The following NLRP13 variants were observed in gnomAD, a reference collection of about 807,000 sequenced individuals.
The protein encoded by NLRP13 is NLR family pyrin domain containing 13.
In NLRP13, 82 loss-of-function variants were observed where a neutral mutation model predicts 94.4. The observed-to-expected ratio is 0.87, with a 90% CI of 0.73 to 1.04. NLRP13 has a LOEUF of 1.04. NLRP13 is among the 50% of genes least tolerant of loss of function. NLRP13 has a pLI of 0.00. For missense variants in NLRP13, 1,426 were observed against 1,230.8 expected (o/e 1.16, Z -2.37); for synonymous variants, 553 against 464.7 (o/e 1.19, Z -2.45).
In NLRP13 at chr19:55,913,331, A is replaced by C. The variant is rs181609778; in HGVS notation, c.524-38T>G. On this transcript the variant is annotated intron_variant, in intron 4 of 10. Transcript: ENST00000342929. ...GAGTGGGGAGAAGAATGGTAAGAAT[A>C]AATTTCAGAGTTAGGAATGATTCAG... is the stretch of plus-strand genomic sequence containing the variant. 4.4e-6 allele frequency: 7 copies of C among 1,579,836 alleles called. No homozygotes were observed. The East Asian group carries it at 1.6e-4, about 35-fold the overall frequency.
At chr19:55,909,930 C>T (rs1307850617) in intron 6 of NLRP13, among the ~76,000 whole-genome samples, 2 of 152,174 alleles carry the variant, frequency 1.3e-5, no homozygotes, top group Non-Finnish European at 2.9e-5. Context: ...TTCAGTGAGG[C>T]CCTTCTGCCT....
In NLRP13 at chr19:55,913,153, T is replaced by A; in HGVS notation, c.664A>T (p.Asn222Tyr). The change falls in exon 5 of 11, where the codon AAT (asparagine) becomes TAT (tyrosine). Residue 222 changes from asparagine to tyrosine, a missense_variant. Transcript: ENST00000342929. Reference protein sequence around the residue: ...HEELQRLLDPNRTRAQAQTIV... With the variant: ...HEELQRLLDPYRTRAQAQTIV... ...GTCTGGGCCTGGGCTCTAGTCCTAT[T>A]AGGATCCAGTAGGCGCTGCAGTTCC... 1 of 1,614,106 alleles carries A rather than the reference T, an allele frequency of 6.2e-7. No homozygotes were observed. Among genetic ancestry groups the A allele is most frequent in the Non-Finnish European group, 8.5e-7 (1 of 1,180,014 alleles).
chr19:55,905,007 T>C lies in NLRP13; in HGVS notation c.2553A>G (p.Gln851=), dbSNP rs980384102. ...CACACAATAGCTTTATGCCATCATC[T>C]TGGAGCCGATTAAATCCCAGGCACA... is the stretch of plus-strand genomic sequence containing the variant. The part of the protein sequence containing the change: ...TRLCLGFNRL[Q]DDGIKLLCAA... Residue 851 remains glutamine, a synonymous_variant, in exon 8 of 11, where the codon CAA becomes CAG. Transcript: ENST00000342929. 7.4e-6 allele frequency: 12 copies of C among 1,613,834 alleles called. No homozygotes were observed. In the Middle Eastern group the frequency reaches 6.6e-4, roughly 88 times the overall value.
At position 55,912,794 on chromosome 19, in the gene NLRP13, C is replaced by T. The variant is rs1198187496; in HGVS notation, c.1023G>A (p.Val341=). ...PCTDWYQELP[V]TKILHSLLKK... Reference sequence around the variant, plus strand: ...TCAACAAGCTGTGTAGGATTTTGGTCACTGGGAGCTCCTGGTACCAGTCTG... The same window carrying T: ...TCAACAAGCTGTGTAGGATTTTGGTTACTGGGAGCTCCTGGTACCAGTCTG... The change falls in exon 5 of 11, where the codon GTG becomes GTA. Residue 341 remains valine, a synonymous_variant. Transcript: ENST00000342929. 3 of 1,613,950 alleles carry T rather than the reference C, an allele frequency of 1.9e-6. No individual in the cohort carries two copies. The Admixed American group carries it at 5.0e-5, about 27-fold the overall frequency.
rs750202863 is a variant in NLRP13 at position 55,912,475 on chromosome 19, T to A, written c.1342A>T (p.Ile448Phe). 30 of 1,614,192 alleles carry A rather than the reference T, an allele frequency of 1.9e-5. No individual in the cohort carries two copies. The South Asian group carries it at 3.1e-4, about 17-fold the overall frequency. Residue 448 changes from isoleucine (I) to phenylalanine (F), a missense_variant, in exon 5 of 11, where the codon ATC (isoleucine) becomes TTC (phenylalanine). Physicochemically the swap from Ile to Phe is conservative, Grantham distance 21. Transcript: ENST00000342929. ...PKVRYYDLQS[I>F]TQTTTSLYAY... ...TACAGACTGGTGGTAGTCTGAGTGA[T>A]TGACTGGAGATCGTAATACCTCACC...
At chr19:55,922,491 C>T (rs1986856004) in intron 4 of NLRP13, among the ~76,000 whole-genome samples, 1 of 152,070 alleles carries the variant, frequency 6.6e-6, no homozygotes, top group Non-Finnish European at 1.5e-5. Context: ...CCATGCCCGG[C>T]TAATTTTTGT....
At chr19:55,923,586 C>T (rs749957139) in intron 4 of NLRP13, among the ~76,000 whole-genome samples, 16 of 152,152 alleles carry the variant, frequency 1.1e-4, no homozygotes, top group Non-Finnish European at 1.6e-4. Flanking sequence ...AATAAATGCC[C>T]GCAGTGCCAG....
chr19:55,898,212 GTT>G (rs996847207), intron 10 of NLRP13, among the ~76,000 whole-genome samples: 8 of 28,094 alleles, frequency 2.8e-4, no homozygotes, highest in East Asian at 5.2e-3. Context: ...TTTTGTTTTT[GTT>G]TTTTTTTTTT....
intron 6 of NLRP13, 39 bp downstream of exon 6, chr19:55,910,524 C>T (rs1182369177): frequency 6.6e-7 from 1 of 1,522,354 alleles, no homozygotes; most frequent in Non-Finnish European, 8.9e-7. Flanking sequence ...GGAGATTCTC[C>T]TAGGGTATCT....
rs532272841 is a variant in NLRP13, at chr19:55,913,208, A to G, written c.609T>C (p.Tyr203=). The G allele has an allele frequency of 7.4e-6, 12 of 1,614,094 alleles. No homozygotes were observed. Among genetic ancestry groups the G allele is most frequent in the Admixed American group, 1.7e-5 (1 of 60,024 alleles). The change falls in exon 5 of 11, where the codon TAT becomes TAC. Residue 203 remains tyrosine, a synonymous_variant. Coordinates refer to ENST00000342929, the MANE Select transcript of NLRP13 (RefSeq NM_176810.2). ...GTTCGTCCTTTGATGTATTACGGAT[A>G]TATACGTGGTCTTTAGGCCAACTGA... The part of the protein sequence containing the change: ...DNISWPKDHV[Y]IRNTSKDEHE...
chr19:55,925,052 T>C lies in NLRP13; in HGVS notation c.320-17A>G, dbSNP rs748042023. ...GCACATTCTCTGAAACAAACAGTGATGATGACATATGAGAATACCCAGACT... is the reference window on the plus strand; with the variant it reads ...GCACATTCTCTGAAACAAACAGTGACGATGACATATGAGAATACCCAGACT... On this transcript the variant is annotated splice_polypyrimidine_tract_variant and intron_variant, in intron 1 of 10. Coordinates refer to ENST00000342929, the MANE Select transcript of NLRP13 (RefSeq NM_176810.2). The C allele has an allele frequency of 1.2e-6, 2 of 1,611,502 alleles. No homozygotes were observed. Among genetic ancestry groups the C allele is most frequent in the East Asian group, 4.5e-5 (2 of 44,854 alleles).
rs781432169 is a variant in NLRP13 at position 55,913,069 on chromosome 19, G to C, written c.748C>G (p.Leu250Val). Residue 250 changes from leucine (L) to valine (V), a missense_variant, in exon 5 of 11, where the codon CTG becomes GTG. Transcript: ENST00000342929. ...AAGAGAACTCCATTTGCCCAGTGCAGCATAGCCTGCATTGCCAAGGTGGTC... is the reference window on the plus strand; with the variant it reads ...AAGAGAACTCCATTTGCCCAGTGCACCATAGCCTGCATTGCCAAGGTGGTC... ...GKTTLAMQAM[L>V]HWANGVLFQQ... The C allele has an allele frequency of 5.0e-6, 8 of 1,614,136 alleles. No individual in the cohort carries two copies. In the South Asian group the frequency reaches 8.8e-5, roughly 18 times the overall value.
chr19:55,901,364 A>G (rs917079145), intron 9 of NLRP13, among the ~76,000 whole-genome samples: 55 of 152,200 alleles, frequency 3.6e-4, no homozygotes, highest in Non-Finnish European at 8.8e-5. Flanking sequence ...GATTGGCTAA[A>G]CGTTTGAACT....
chr19:55,896,047 C>T lies in NLRP13; in HGVS notation c.3030G>A (p.Leu1010=). 1 of 1,614,154 alleles carries T rather than the reference C, an allele frequency of 6.2e-7. No homozygotes were observed. ...CATTGCCTAGAAGGTTCAGATTGAC[C>T]AGGCTCTTACTGCTGCTGAGAACAG... ...LFSVLSSSKS[L]VNLNLLGNEL... Residue 1010 remains leucine (L), a synonymous_variant, in exon 11 of 11, where the codon CTG becomes CTA. Coordinates refer to ENST00000342929, the MANE Select transcript of NLRP13 (RefSeq NM_176810.2).
At chr19:55,901,515 G>C (rs1986173562) in intron 9 of NLRP13, among the ~76,000 whole-genome samples, 1 of 152,168 alleles carries the variant, frequency 6.6e-6, no homozygotes, top group Admixed American at 6.5e-5. Flanking sequence ...ATACTGATAA[G>C]CCACTGGTGC....
At chr19:55,903,224 A>G (rs1220536086) in intron 8 of NLRP13, among the ~76,000 whole-genome samples, 1 of 152,140 alleles carries the variant, frequency 6.6e-6, no homozygotes, top group African/African-American at 2.4e-5. Flanking sequence ...AACTCACATT[A>G]TGTGTGTGAA....
chr19:55,899,027 A>G, intron 9 of NLRP13, 90 bp from the exon 10 acceptor site: 1 of 1,381,624 alleles, frequency 7.2e-7, no homozygotes, highest in African/African-American at 1.4e-5. Flanking sequence ...GTCCAAGGAA[A>G]GGAGACACCC....
intron 1 of NLRP13, among the ~76,000 whole-genome samples, chr19:55,926,686 G>A (rs1986973753): frequency 6.6e-6 from 1 of 152,126 alleles, no homozygotes; most frequent in African/African-American, 2.4e-5. Context: ...TGTTCCCATT[G>A]CATGTTAAAC....
chr19:55,919,703 G>A (rs79058957), intron 4 of NLRP13, among the ~76,000 whole-genome samples: 4,499 of 151,942 alleles, frequency 0.03, 222 homozygotes, highest in African/African-American at 0.099. Context: ...AAGAAATTAT[G>A]GATGACACAA....
Sources: gnomAD v4.1 joint callset for allele counts (sites outside exome capture counted in the v4.1 genomes callset) on GRCh38, gnomAD v4.1.1 for gene constraint, MANE v1.5 for transcripts, NCBI Gene and HGNC (gene_info 2026-07-23, HGNC 2026-07-21) for gene names.